Variants in LARGE1 observed in about 807,000 individuals in gnomAD.
LARGE1 encodes xylosyl- and glucuronyltransferase LARGE1.
A neutral mutation model predicts 87.6 loss-of-function variants in LARGE1; 43 were observed. That is an observed-to-expected ratio of 0.49 (90% CI 0.38 to 0.63). LARGE1 has a LOEUF of 0.63. Ranked by LOEUF, LARGE1 falls within the 30% of genes least tolerant of loss-of-function variation. LARGE1 has a pLI of 0.00. For synonymous variants in LARGE1, 434 were observed against 394.6 expected (o/e 1.10, Z -1.18); for missense variants, 802 against 1,000.2 (o/e 0.80, Z 2.67).
intron 1 of LARGE1, among the ~76,000 whole-genome samples, chr22:33,902,667 T>C (rs1601882210): frequency 6.6e-6 from 1 of 152,192 alleles, no homozygotes; most frequent in East Asian, 1.9e-4. Context: ...TGTTACTAAT[T>C]TGTGTTTCAA....
chr22:33,793,972 T>A (rs1202352439), intron 1 of LARGE1, among the ~76,000 whole-genome samples: 1 of 152,150 alleles, frequency 6.6e-6, no homozygotes, highest in Non-Finnish European at 1.5e-5. Flanking sequence ...TTGTAAGTTT[T>A]CTATAGAGCC....
intron 5 of LARGE1, among the ~76,000 whole-genome samples, chr22:33,597,516 C>G (rs1317191508): frequency 2.6e-5 from 4 of 152,172 alleles, no homozygotes; most frequent in Admixed American, 2.0e-4. Flanking sequence ...TAAAGACAAC[C>G]TCTGCCATCC....
chr22:33,324,838 T>C (rs1163305793), intron 10 of LARGE1, among the ~76,000 whole-genome samples: 1 of 152,234 alleles, frequency 6.6e-6, no homozygotes, highest in Non-Finnish European at 1.5e-5. Context: ...GAGCAAGTCA[T>C]GTCTCTGAAT....
chr22:33,495,246 T>C (rs2070049356), intron 6 of LARGE1, among the ~76,000 whole-genome samples: 1 of 152,180 alleles, frequency 6.6e-6, no homozygotes, highest in African/African-American at 2.4e-5. Flanking sequence ...CTTTGAACTT[T>C]CCTTTGAGTC....
At chr22:33,191,047 CTG>C (rs1923750403) in intron 11 of LARGE1, among the ~76,000 whole-genome samples, 2 of 152,128 alleles carry the variant, frequency 1.3e-5, no homozygotes, top group South Asian at 4.1e-4. Context: ...GGCTGTGAGT[CTG>C]TGTTTTCTTC....
chr22:33,101,799 G>C, the LARGE1 span, among the ~76,000 whole-genome samples: 1 of 152,144 alleles, frequency 6.6e-6, no homozygotes, highest in Non-Finnish European at 1.5e-5. Flanking sequence ...ATGTCACCAG[G>C]CTCAGTCCCT....
chr22:33,744,917 C>T (rs1436582550), intron 2 of LARGE1, among the ~76,000 whole-genome samples: 1 of 152,210 alleles, frequency 6.6e-6, no homozygotes, highest in Admixed American at 6.5e-5. Context: ...CTGCACCTGC[C>T]TTTCCCTCTA....
chr22:33,869,352 G>A (rs949889864), intron 1 of LARGE1, among the ~76,000 whole-genome samples: 2 of 152,116 alleles, frequency 1.3e-5, no homozygotes, highest in Non-Finnish European at 1.5e-5. Flanking sequence ...TGTTTCCATA[G>A]ATATCTAGAC....
At chr22:33,088,480 C>T in the LARGE1 span, among the ~76,000 whole-genome samples, 2 of 152,156 alleles carry the variant, frequency 1.3e-5, no homozygotes, top group Non-Finnish European at 2.9e-5. Flanking sequence ...TTTATCGTGT[C>T]TGTGCCAGTA....
chr22:33,298,854 GAAGA>G (rs1020645740), intron 12 of LARGE1, among the ~76,000 whole-genome samples: 1 of 150,046 alleles, frequency 6.7e-6, no homozygotes, highest in African/African-American at 2.5e-5. Context: ...AGGAAAGAAA[GAAGA>G]AAGAAAAGAA....
At chr22:33,209,344 C>G (rs568878453) in intron 11 of LARGE1, among the ~76,000 whole-genome samples, 1 of 152,296 alleles carries the variant, frequency 6.6e-6, no homozygotes, top group Non-Finnish European at 1.5e-5. Flanking sequence ...TGGTAATTTT[C>G]CTCCAACATT....
At chr22:33,806,783 A>T (rs5999109) in intron 1 of LARGE1, among the ~76,000 whole-genome samples, 1 of 152,096 alleles carries the variant, frequency 6.6e-6, no homozygotes, top group Non-Finnish European at 1.5e-5. Context: ...AGGCCGAGGC[A>T]GGCGGATCAC....
chr22:33,701,528 C>T (rs145423988), intron 2 of LARGE1, among the ~76,000 whole-genome samples: 4 of 152,250 alleles, frequency 2.6e-5, no homozygotes, highest in Admixed American at 2.6e-4. Context: ...TCCCTGGATC[C>T]CAACATTCTG....
intron 4 of LARGE1, among the ~76,000 whole-genome samples, chr22:33,606,479 T>TG (rs1024258793): frequency 1.3e-5 from 2 of 151,216 alleles, no homozygotes; most frequent in African/African-American, 4.9e-5. Flanking sequence ...CAGGGAGGTG[T>TG]GGGGGGCAGG....
At chr22:33,099,480 G>T in the LARGE1 span, among the ~76,000 whole-genome samples, 1 of 152,106 alleles carries the variant, frequency 6.6e-6, no homozygotes, top group Non-Finnish European at 1.5e-5. Context: ...TCAAACTCCT[G>T]ACCTCAGGTG....
chr22:33,864,523 A>C (rs1199335398), intron 1 of LARGE1, among the ~76,000 whole-genome samples: 3 of 152,152 alleles, frequency 2.0e-5, no homozygotes, highest in East Asian at 3.9e-4. Flanking sequence ...TGTTTCAAAA[A>C]TGCATGCTTC....
At chr22:33,799,192 G>A (rs2086079730) in intron 1 of LARGE1, among the ~76,000 whole-genome samples, 1 of 151,994 alleles carries the variant, frequency 6.6e-6, no homozygotes, top group South Asian at 2.1e-4. Flanking sequence ...GGAGTATCAC[G>A]CCAAAGAAAC....
At chr22:33,633,434 T>C (rs2080170023) in intron 3 of LARGE1, among the ~76,000 whole-genome samples, 1 of 152,182 alleles carries the variant, frequency 6.6e-6, no homozygotes. Flanking sequence ...AAGTTCTCCA[T>C]GCTCTGCCTC....
At chr22:33,630,904 G>A (rs2149094836) in intron 3 of LARGE1, among the ~76,000 whole-genome samples, 1 of 151,450 alleles carries the variant, frequency 6.6e-6, no homozygotes, top group African/African-American at 2.4e-5. Context: ...CCAGGATGGA[G>A]TGCAGTGATG....
Sources: gnomAD v4.1 joint callset for allele counts (sites outside exome capture counted in the v4.1 genomes callset) on GRCh38, gnomAD v4.1.1 for gene constraint, MANE v1.5 for transcripts, NCBI Gene and HGNC (gene_info 2026-07-23, HGNC 2026-07-21) for gene names.